TTC28: variants seen among roughly 807,000 people sequenced by gnomAD.
TTC28 encodes tetratricopeptide repeat domain 28.
In TTC28, 61 loss-of-function variants were observed where a neutral mutation model predicts 198.0. That is an observed-to-expected ratio of 0.31 (90% confidence interval 0.25 to 0.38). TTC28 has a LOEUF of 0.38. TTC28 is among the 10% of genes least tolerant of loss of function. The pLI is 1.00. For missense variants in TTC28, 2,678 were observed against 3,164.0 expected (o/e 0.85, Z 3.69); for synonymous variants, 1,171 against 1,297.8 (o/e 0.90, Z 2.10).
chr22:28,551,991 C>G (rs1032078377), intron 2 of TTC28, among the ~76,000 whole-genome samples: 1 of 152,082 alleles, frequency 6.6e-6, no homozygotes, highest in Non-Finnish European at 1.5e-5. Context: ...CAAGATTCAT[C>G]CAAAAAGCTC....
At chr22:28,505,812 TG>T (rs1457664461) in intron 2 of TTC28, among the ~76,000 whole-genome samples, 1 of 152,212 alleles carries the variant, frequency 6.6e-6, no homozygotes, top group African/African-American at 2.4e-5. Context: ...GGCACGTCAC[TG>T]GAAGCCAGTT....
At chr22:28,241,843 T>C (rs1929679311) in intron 5 of TTC28, among the ~76,000 whole-genome samples, 1 of 152,044 alleles carries the variant, frequency 6.6e-6, no homozygotes, top group Non-Finnish European at 1.5e-5. Context: ...CTAGAGGAAG[T>C]ATAGAGAAAG....
At chr22:28,555,922 T>G (rs2049778130) in intron 2 of TTC28, among the ~76,000 whole-genome samples, 1 of 152,232 alleles carries the variant, frequency 6.6e-6, no homozygotes, top group East Asian at 1.9e-4. Context: ...AATTCTTATT[T>G]ACATTTATCC....
At chr22:28,661,609 AGT>A in intron 1 of TTC28, among the ~76,000 whole-genome samples, 1 of 150,956 alleles carries the variant, frequency 6.6e-6, no homozygotes, top group Admixed American at 6.6e-5. Flanking sequence ...ATAGACAGAT[AGT>A]TTTGTTTTTT....
At chr22:28,555,208 G>A (rs2049767965) in intron 2 of TTC28, among the ~76,000 whole-genome samples, 1 of 152,204 alleles carries the variant, frequency 6.6e-6, no homozygotes, top group South Asian at 2.1e-4. Flanking sequence ...TGTTGGCATG[G>A]ATGTAGTGAA....
intron 6 of TTC28, among the ~76,000 whole-genome samples, chr22:28,122,529 G>T (rs960581559): frequency 2.0e-5 from 3 of 152,142 alleles, no homozygotes; most frequent in African/African-American, 4.8e-5. Context: ...TAACATTTTA[G>T]AGTAGTTCTG....
chr22:28,085,881 A>G (rs5762471), intron 12 of TTC28, among the ~76,000 whole-genome samples: 21,763 of 152,110 alleles, frequency 0.14, 1,954 homozygotes, highest in South Asian at 0.38. Context: ...GATAAAACAG[A>G]CTTTAAACCA....
chr22:28,662,232 T>C (rs2051760591), intron 1 of TTC28, among the ~76,000 whole-genome samples: 1 of 152,224 alleles, frequency 6.6e-6, no homozygotes, highest in South Asian at 2.1e-4. Flanking sequence ...AAAACTAGGT[T>C]TTAACAATAT....
chr22:28,352,295 T>A, intron 2 of TTC28, among the ~76,000 whole-genome samples: 1 of 123,660 alleles, frequency 8.1e-6, no homozygotes, highest in East Asian at 2.2e-4. Flanking sequence ...TAAGAACCTA[T>A]TAGACAGAGA....
intron 2 of TTC28, among the ~76,000 whole-genome samples, chr22:28,624,055 G>A (rs1391106416): frequency 1.3e-5 from 2 of 152,058 alleles, no homozygotes; most frequent in East Asian, 1.9e-4. Context: ...ATCAGTGAAA[G>A]ATAAAATGCA....
intron 13 of TTC28, chr22:28,028,714 T>C (rs937087378): frequency 1.5e-4 from 39 of 255,100 alleles, no homozygotes; most frequent in Middle Eastern, 1.5e-3. Context: ...TCTCCACCCA[T>C]GTTAAGAATT....
At chr22:28,617,836 C>A (rs986532975) in intron 2 of TTC28, among the ~76,000 whole-genome samples, 7 of 152,156 alleles carry the variant, frequency 4.6e-5, no homozygotes, top group Admixed American at 2.0e-4. Flanking sequence ...AAAAGCACAC[C>A]AACTGCCAGA....
At chr22:28,425,140 A>C (rs543313708) in intron 2 of TTC28, among the ~76,000 whole-genome samples, 2 of 152,228 alleles carry the variant, frequency 1.3e-5, no homozygotes, top group Non-Finnish European at 2.9e-5. Context: ...AGTAAGGCAC[A>C]ATAGTTCAGT....
Position 28,099,294 on chromosome 22 carries a change from G to A in TTC28, c.3418-250C>T, listed in dbSNP as rs191476329. Among the ~76,000 whole-genome samples, 531 of 152,344 alleles carry A rather than the reference G, an allele frequency of 3.5e-3. 3 individuals are homozygous for A. Among genetic ancestry groups the A allele is most frequent in the African/African-American group, 0.012 (516 of 41,596 alleles). ...ACAGGCTCACAACTCCACTCATCAT[G>A]TAACGACACCATGTGAGGCGCATTA... is the stretch of plus-strand genomic sequence containing the variant. On this transcript the variant is annotated intron_variant, in intron 9 of 22. Coordinates refer to ENST00000397906, the MANE Select transcript of TTC28 (RefSeq NM_001145418.2).
intron 5 of TTC28, among the ~76,000 whole-genome samples, chr22:28,182,691 T>C (rs1475539651): frequency 1.3e-5 from 2 of 152,120 alleles, no homozygotes; most frequent in East Asian, 3.8e-4. Context: ...ATGCATGGCT[T>C]TTGAATGCTC....
chr22:28,159,333 G>T (rs1943830944), intron 6 of TTC28, among the ~76,000 whole-genome samples: 1 of 152,052 alleles, frequency 6.6e-6, no homozygotes, highest in Admixed American at 6.6e-5. Flanking sequence ...TATGGAGAAG[G>T]GTTCGGAGGT....
At chr22:28,600,616 T>C (rs1327006184) in intron 2 of TTC28, among the ~76,000 whole-genome samples, 1 of 152,190 alleles carries the variant, frequency 6.6e-6, no homozygotes, top group Non-Finnish European at 1.5e-5. Context: ...TATTTATCAT[T>C]ATACTGAAAA....
chr22:28,208,160 TA>T (rs1399534429), intron 5 of TTC28, among the ~76,000 whole-genome samples: 3 of 152,084 alleles, frequency 2.0e-5, no homozygotes, highest in Non-Finnish European at 2.9e-5. Flanking sequence ...GCTGAATGAA[TA>T]AAGGACACAT....
intron 1 of TTC28, among the ~76,000 whole-genome samples, chr22:28,672,712 C>T (rs2051909197): frequency 6.6e-6 from 1 of 152,122 alleles, no homozygotes; most frequent in Non-Finnish European, 1.5e-5. Flanking sequence ...TTGCTAGACA[C>T]CAAAAGTCAT....
Sources: allele counts gnomAD v4.1 joint callset (sites outside exome capture counted in the v4.1 genomes callset), GRCh38; gene constraint gnomAD v4.1.1; transcripts MANE v1.5; gene names NCBI Gene and HGNC (gene_info 2026-07-23, HGNC 2026-07-21).